The following CPEB3 variants were observed in gnomAD, a reference collection of about 807,000 sequenced individuals.
The protein encoded by CPEB3 is cytoplasmic polyadenylation element-binding protein 3.
In CPEB3, 20 loss-of-function variants were observed where a neutral mutation model predicts 67.2. That is an observed-to-expected ratio of 0.30 (90% CI 0.21 to 0.43). CPEB3 has a LOEUF of 0.43. Among genes scored for constraint, CPEB3 ranks in the 20% least tolerant of loss-of-function variants. CPEB3 has a pLI of 1.00. For missense variants in CPEB3, 746 were observed against 968.6 expected, an observed-to-expected ratio of 0.77 and a Z score of 3.05; for synonymous variants, 376 against 393.1, an observed-to-expected ratio of 0.96 and a Z score of 0.51.
intron 1 of CPEB3, among the ~76,000 whole-genome samples, chr10:92,275,845 CTTTTTTTTTTTT>C (rs909549413): frequency 4.3e-5 from 4 of 92,978 alleles, no homozygotes; most frequent in Non-Finnish European, 9.5e-5. Context: ...TCATTCTTTT[CTTTTTTTTTTTT>C]TTTTTTTTTG....
intron 4 of CPEB3, among the ~76,000 whole-genome samples, chr10:92,155,015 C>G (rs1847138148): frequency 6.6e-6 from 1 of 152,152 alleles, no homozygotes; most frequent in South Asian, 2.1e-4. Context: ...TCAGGACCAG[C>G]CTAGCCAATA....
intron 7 of CPEB3, among the ~76,000 whole-genome samples, chr10:92,107,944 ATT>A (rs1490282774): frequency 6.6e-6 from 1 of 152,114 alleles, no homozygotes; most frequent in African/African-American, 2.4e-5. Flanking sequence ...AAATCCACAA[ATT>A]TGGAATTCAT....
chr10:92,143,387 A>G (rs1846531242), intron 5 of CPEB3, among the ~76,000 whole-genome samples: 1 of 152,220 alleles, frequency 6.6e-6, no homozygotes, highest in South Asian at 2.1e-4. Flanking sequence ...TTGGAAGAAA[A>G]GTATCTCATA....
At position 92,143,235 on chromosome 10, in the gene CPEB3, T is replaced by C. The variant is rs529144791; in HGVS notation, c.1364-117A>G. On this transcript the variant is annotated intron_variant, in intron 5 of 9. Coordinates refer to ENST00000265997, the MANE Select transcript of CPEB3 (RefSeq NM_014912.5). Reference sequence around the variant, plus strand: ...AAAATGTTTTGAGGGTTGTTTTCTATAGCATCTTTACGGAAGTGAAACCTA... The same window carrying C: ...AAAATGTTTTGAGGGTTGTTTTCTACAGCATCTTTACGGAAGTGAAACCTA... 1.7e-4 allele frequency: 111 copies of C among 669,178 alleles called. 1 individual carries two copies. The highest frequency in any genetic ancestry group is 7.9e-4 in the Middle Eastern group (2 of 2,544). 41.5% of individuals were successfully genotyped at this position (669,178 alleles called of 1,614,324 possible).
intron 1 of CPEB3, among the ~76,000 whole-genome samples, chr10:92,282,082 G>A (rs951623845): frequency 6.6e-6 from 1 of 152,134 alleles, no homozygotes; most frequent in African/African-American, 2.4e-5. Context: ...TTATAAAATT[G>A]ATACTTCAGG....
chr10:92,239,268 G>A lies in CPEB3; in HGVS notation c.1005+78C>T, dbSNP rs990429655. Reference sequence around the variant, plus strand: ...TGCTGCCCTTTTTAAATATAAGCGGGTGGATGATTAAAAGTCAGAGAAGTG... The same window carrying A: ...TGCTGCCCTTTTTAAATATAAGCGGATGGATGATTAAAAGTCAGAGAAGTG... On this transcript the variant is annotated intron_variant, in intron 2 of 9. Transcript: ENST00000265997. This position sits in a 1 kb window ranked among gnomAD's most constrained non-coding sequence, Gnocchi z 6.0. 1.3e-5 allele frequency: 19 copies of A among 1,470,806 alleles called. No homozygotes were observed. Among genetic ancestry groups the A allele is most frequent in the Middle Eastern group, 2.4e-4 (1 of 4,178 alleles). 91.1% of individuals were successfully genotyped at this position (1,470,806 alleles called of 1,614,324 possible). A position where few individuals can be genotyped will look rare whatever the true frequency, so the allele number is the denominator to read the frequency against.
intron 1 of CPEB3, among the ~76,000 whole-genome samples, chr10:92,252,483 G>A (rs866558538): frequency 2.6e-5 from 4 of 152,076 alleles, no homozygotes; most frequent in African/African-American, 9.7e-5. Flanking sequence ...ACCAAGATAT[G>A]TTCGAAGCAG....
At chr10:92,240,701 T>C (rs1851806545) in intron 1 of CPEB3, among the ~76,000 whole-genome samples, 1 of 152,158 alleles carries the variant, frequency 6.6e-6, no homozygotes, top group Admixed American at 6.5e-5. Flanking sequence ...GCGTTCGCCC[T>C]GCAATGAGAA....
chr10:92,122,328 C>T (rs1845425980), intron 6 of CPEB3, among the ~76,000 whole-genome samples: 2 of 152,194 alleles, frequency 1.3e-5, no homozygotes, highest in Non-Finnish European at 2.9e-5. Flanking sequence ...GCCAAAGGGT[C>T]AACTCACTTG....
At chr10:92,092,960 T>C (rs954542354) in intron 7 of CPEB3, among the ~76,000 whole-genome samples, 4 of 152,218 alleles carry the variant, frequency 2.6e-5, no homozygotes, top group Admixed American at 6.5e-5. Context: ...TTAGTGCCCA[T>C]AGTTTGTACT....
intron 1 of CPEB3, among the ~76,000 whole-genome samples, chr10:92,246,640 C>T (rs1267922938): frequency 6.6e-6 from 1 of 151,728 alleles, no homozygotes; most frequent in Non-Finnish European, 1.5e-5. Flanking sequence ...TCCCAAGTAG[C>T]TGGGGTTTCA....
At chr10:92,192,364 G>T in intron 3 of CPEB3, 113 bp downstream of exon 3, 1 of 1,050,190 alleles carries the variant, frequency 9.5e-7, no homozygotes. Context: ...ATGCTTTACA[G>T]AAGCAAAACA....
chr10:92,199,994 C>T (rs933111171), intron 2 of CPEB3, among the ~76,000 whole-genome samples: 11 of 151,706 alleles, frequency 7.3e-5, no homozygotes, highest in African/African-American at 2.7e-4. Flanking sequence ...TATATTTTAC[C>T]CATCCCAAAT....
At chr10:92,108,286 G>A (rs1279260739) in intron 7 of CPEB3, among the ~76,000 whole-genome samples, 1 of 152,200 alleles carries the variant, frequency 6.6e-6, no homozygotes, top group African/African-American at 2.4e-5. Context: ...TTTGGTGAGT[G>A]AGCACCAAAG....
rs1453801823 is a variant in CPEB3, at chr10:92,051,486, A to G, written c.*726T>C. Reference sequence around the variant, plus strand: ...TTAATTGATATCCTAGCCTGAATAGAGTATTATGGTATTAATAATACCATT... The same window carrying G: ...TTAATTGATATCCTAGCCTGAATAGGGTATTATGGTATTAATAATACCATT... On this transcript the variant is annotated 3_prime_UTR_variant, in exon 10 of 10. Transcript: ENST00000265997. 6.6e-6 allele frequency: 1 copy of G among 152,608 alleles called. No homozygotes were observed. The highest frequency in any genetic ancestry group is 1.5e-5 in the Non-Finnish European group (1 of 68,050). The allele number at this position is 152,608 out of a possible 1,614,324, so 9.5% of individuals were successfully genotyped here. A position where few individuals can be genotyped will look rare whatever the true frequency, so the allele number is the denominator to read the frequency against.
At chr10:92,289,732 A>ATATATATATATAT (rs1554944314) in intron 1 of CPEB3, among the ~76,000 whole-genome samples, 3 of 75,766 alleles carry the variant, frequency 4.0e-5, no homozygotes, top group African/African-American at 1.0e-4. Context: ...AAAAAAAAAA[A>ATATATATATATAT]ATATATATAT....
chr10:92,168,068 A>C (rs1847828538), intron 4 of CPEB3, among the ~76,000 whole-genome samples: 1 of 152,236 alleles, frequency 6.6e-6, no homozygotes, highest in Admixed American at 6.5e-5. Context: ...AAAACAGCAC[A>C]ACTGTTGCCA....
At chr10:92,052,502 T>C in intron 9 of CPEB3, 63 bp from the exon 10 acceptor site, 1 of 1,434,132 alleles carries the variant, frequency 7.0e-7, no homozygotes, top group South Asian at 1.2e-5. Flanking sequence ...ATGTCTTGCT[T>C]TTGAGAGTTT....
intron 3 of CPEB3, among the ~76,000 whole-genome samples, chr10:92,189,018 T>C (rs553278636): frequency 4.1e-4 from 63 of 152,312 alleles, no homozygotes; most frequent in African/African-American, 1.5e-3. Flanking sequence ...TTATCTCCCA[T>C]GCTAATCCTT....
Sources: gnomAD v4.1 joint callset for allele counts (sites outside exome capture counted in the v4.1 genomes callset) on GRCh38, gnomAD v4.1.1 for gene constraint, Gnocchi (gnomAD v3.1) non-coding constraint, MANE v1.5 for transcripts, NCBI Gene and HGNC (gene_info 2026-07-23, HGNC 2026-07-21) for gene names.